PTPRT: variants seen among roughly 807,000 people sequenced by gnomAD.
The protein encoded by PTPRT is receptor-type tyrosine-protein phosphatase T.
In PTPRT, 56 loss-of-function variants were observed where a neutral mutation model predicts 176.8. The observed-to-expected ratio is 0.32, with a 90% CI of 0.26 to 0.40. The LOEUF is 0.40. Among genes scored for constraint, PTPRT ranks in the 10% least tolerant of loss-of-function variants. The pLI, the probability that PTPRT is intolerant of heterozygous loss-of-function variation, is 1.00. For synonymous variants in PTPRT, 783 were observed against 739.0 expected, an observed-to-expected ratio of 1.06 and a Z score of -0.96; for missense variants, 1,540 against 1,908.2, an observed-to-expected ratio of 0.81 and a Z score of 3.60.
At chr20:42,529,910 C>G (rs1479590495) in intron 7 of PTPRT, among the ~76,000 whole-genome samples, 1 of 151,642 alleles carries the variant, frequency 6.6e-6, no homozygotes, top group African/African-American at 2.4e-5. Context: ...ATACAACTGC[C>G]TTTTTATTGA....
rs112250529 is a variant in PTPRT at position 42,408,746 on chromosome 20, G to T, written c.1560+39474C>A. Among the ~76,000 whole-genome samples, 421 of 152,220 alleles carry T rather than the reference G, an allele frequency of 2.8e-3. 5 individuals carry two copies. The highest frequency in any genetic ancestry group is 9.5e-3 in the African/African-American group (394 of 41,540). ...AAAGATTATCTAACTATCTCGGTCT[G>T]CCTTCTGCTGCTATAAAAAAATACT... On this transcript the variant is annotated intron_variant, in intron 9 of 30. Transcript: ENST00000373187.
At chr20:42,581,672 G>T (rs2145726074) in intron 7 of PTPRT, among the ~76,000 whole-genome samples, 1 of 152,276 alleles carries the variant, frequency 6.6e-6, no homozygotes, top group African/African-American at 2.4e-5. Flanking sequence ...TTTGCATAGA[G>T]AAGGAAATAA....
intron 6 of PTPRT, among the ~76,000 whole-genome samples, chr20:42,678,918 A>G (rs2075554973): frequency 6.6e-6 from 1 of 152,194 alleles, no homozygotes; most frequent in Non-Finnish European, 1.5e-5. Context: ...TCTTTCCAAA[A>G]AGTGATATGA....
At chr20:42,516,277 A>T (rs1358173144) in intron 7 of PTPRT, among the ~76,000 whole-genome samples, 2 of 152,110 alleles carry the variant, frequency 1.3e-5, no homozygotes, top group Non-Finnish European at 2.9e-5. Context: ...TAAAAAAAAA[A>T]AGAATGAACA....
Position 42,080,205 on chromosome 20 carries a change from C to T in PTPRT, c.*674G>A, listed in dbSNP as rs910175188. On this transcript the variant is annotated 3_prime_UTR_variant, in exon 31 of 31. Transcript: ENST00000373187. The stretch of plus-strand genomic sequence containing the variant: ...AAGCAAAGAACACCTTTATCAAAAA[C>T]TGCTGTGGACACAGCTGGCCGGCCA... The T allele has an allele frequency of 4.3e-6, 1 of 232,944 alleles. No individual in the cohort carries two copies. The highest frequency in any genetic ancestry group is 8.5e-6 in the Non-Finnish European group (1 of 117,934). The allele number at this position is 232,944 out of a possible 1,614,324, so 14.4% of individuals were successfully genotyped here.
chr20:42,432,578 A>G (rs1397153149), intron 9 of PTPRT, among the ~76,000 whole-genome samples: 1 of 152,210 alleles, frequency 6.6e-6, no homozygotes, highest in Non-Finnish European at 1.5e-5. Flanking sequence ...ATTTTAAAAC[A>G]GACTCTTTGT....
At chr20:42,693,298 A>T (rs1231261987) in intron 6 of PTPRT, among the ~76,000 whole-genome samples, 4 of 152,198 alleles carry the variant, frequency 2.6e-5, no homozygotes, top group African/African-American at 9.6e-5. Context: ...CCTTATGTTG[A>T]AGTATAAGCT....
chr20:42,336,933 T>C (rs961859051), intron 11 of PTPRT, among the ~76,000 whole-genome samples: 11 of 152,152 alleles, frequency 7.2e-5, no homozygotes, highest in Admixed American at 2.0e-4. Flanking sequence ...GGAGATGTAG[T>C]ATATCTCTAC....
intron 9 of PTPRT, among the ~76,000 whole-genome samples, chr20:42,372,185 A>G (rs2058594986): frequency 6.6e-6 from 1 of 152,092 alleles, no homozygotes; most frequent in Non-Finnish European, 1.5e-5. Context: ...GTGAAGGGAG[A>G]CAATTAAAGA....
intron 9 of PTPRT, among the ~76,000 whole-genome samples, chr20:42,434,061 A>C (rs2145810511): frequency 6.6e-6 from 1 of 152,260 alleles, no homozygotes; most frequent in South Asian, 2.1e-4. Flanking sequence ...TATGTTGGGC[A>C]TAGTGAAAAT....
chr20:42,865,794 AAAG>A (rs753327959), intron 2 of PTPRT, among the ~76,000 whole-genome samples: 1 of 152,162 alleles, frequency 6.6e-6, no homozygotes, highest in Non-Finnish European at 1.5e-5. Context: ...TCCGCAGGGG[AAAG>A]AAGAAGGGAA....
intron 9 of PTPRT, among the ~76,000 whole-genome samples, chr20:42,396,839 T>C (rs1011502835): frequency 6.6e-6 from 1 of 152,216 alleles, no homozygotes; most frequent in African/African-American, 2.4e-5. Context: ...ACTATAGGCG[T>C]GAGCCACTGA....
intron 1 of PTPRT, among the ~76,000 whole-genome samples, chr20:43,083,343 T>TGTATATATATAC (rs2011503503): frequency 6.1e-5 from 7 of 115,312 alleles, no homozygotes; most frequent in African/African-American, 1.9e-4. Context: ...TATATATATA[T>TGTATATATATAC]ATATATATAT....
At chr20:42,721,260 T>C (rs1489853834) in intron 6 of PTPRT, among the ~76,000 whole-genome samples, 1 of 152,110 alleles carries the variant, frequency 6.6e-6, no homozygotes, top group Admixed American at 6.5e-5. Context: ...AAATGTATCT[T>C]AAAGGCAGCA....
chr20:42,278,271 C>T (rs922951088), intron 13 of PTPRT, among the ~76,000 whole-genome samples: 7 of 129,694 alleles, frequency 5.4e-5, no homozygotes, highest in African/African-American at 2.6e-4. Context: ...AAAGATACTT[C>T]TCTGTTAAGA....
At chr20:42,211,841 T>A (rs1030607422) in intron 15 of PTPRT, among the ~76,000 whole-genome samples, 2 of 151,722 alleles carry the variant, frequency 1.3e-5, no homozygotes, top group Non-Finnish European at 2.9e-5. Flanking sequence ...TAAAGACACA[T>A]GCACACATAT....
intron 7 of PTPRT, among the ~76,000 whole-genome samples, chr20:42,514,111 C>T (rs1330618541): frequency 6.6e-6 from 1 of 152,110 alleles, no homozygotes; most frequent in East Asian, 1.9e-4. Flanking sequence ...GGGCATAATC[C>T]ATGATAAACA....
chr20:42,726,189 C>T (rs1055850862), intron 6 of PTPRT, among the ~76,000 whole-genome samples: 7 of 151,958 alleles, frequency 4.6e-5, no homozygotes, highest in South Asian at 2.1e-4. Flanking sequence ...AAGCAATCCT[C>T]GTGCCTCAGC....
intron 7 of PTPRT, among the ~76,000 whole-genome samples, chr20:42,475,375 C>G (rs1020315468): frequency 1.3e-5 from 2 of 152,200 alleles, no homozygotes; most frequent in African/African-American, 4.8e-5. Flanking sequence ...TTGAAAATCT[C>G]ACTACCTGGG....
Sources: gnomAD v4.1 joint callset for allele counts (sites outside exome capture counted in the v4.1 genomes callset) on GRCh38, gnomAD v4.1.1 for gene constraint, MANE v1.5 for transcripts, NCBI Gene and HGNC (gene_info 2026-07-23, HGNC 2026-07-21) for gene names.